The following EYS variants were observed in gnomAD, a reference collection of about 807,000 sequenced individuals.
EYS encodes the protein EGF-like photoreceptor maintenance factor.
A neutral mutation model predicts 282.1 loss-of-function variants in EYS; 250 were observed. That is an observed-to-expected ratio of 0.89 (90% confidence interval 0.80 to 0.98). The LOEUF (loss-of-function observed/expected upper bound fraction) is 0.98, where lower values mean the gene tolerates loss of function less well. EYS is among the 50% of genes least tolerant of loss of function. The probability of loss-of-function intolerance (pLI) is 0.00; values close to 1 mark genes in which losing one functional copy is unlikely to be tolerated. For missense variants in EYS, 4,016 were observed against 3,709.0 expected (o/e 1.08, Z -2.15); for synonymous variants, 1,355 against 1,282.9 (o/e 1.06, Z -1.20).
At chr6:65,155,955 G>A (rs1034597267) in intron 12 of EYS, among the ~76,000 whole-genome samples, 1 of 151,384 alleles carries the variant, frequency 6.6e-6, no homozygotes, top group Non-Finnish European at 1.5e-5. Context: ...ATTTTTAACA[G>A]AAGAGTAACA....
intron 1 of EYS, among the ~76,000 whole-genome samples, chr6:65,692,609 T>C (rs1769284291): frequency 6.7e-6 from 1 of 150,086 alleles, no homozygotes; most frequent in Non-Finnish European, 1.5e-5. Context: ...ATGGAAAGTA[T>C]AATTTTCCAA....
In EYS at chr6:65,490,809, TG is replaced by T. The variant is rs1208082138; in HGVS notation, c.749-103del. Reference sequence around the variant, plus strand: ...AATGAAAATATCAAATTCTGACTAATGTAATTTCAGTTATGAAACCATGTTA... The same window carrying T: ...AATGAAAATATCAAATTCTGACTAATTAATTTCAGTTATGAAACCATGTTA... On this transcript the variant is annotated intron_variant, in intron 4 of 42. Transcript: ENST00000503581. 4.2e-6 allele frequency: 3 copies of T among 712,278 alleles called. No individual in the cohort carries two copies. The African/African-American group carries it at 5.3e-5, about 13-fold the overall frequency. 44.1% of individuals were successfully genotyped at this position (712,278 alleles called of 1,614,324 possible).
intron 12 of EYS, among the ~76,000 whole-genome samples, chr6:65,212,313 G>A (rs1234159169): frequency 6.6e-6 from 1 of 151,892 alleles, no homozygotes; most frequent in Admixed American, 6.6e-5. Context: ...GTATTTTCCA[G>A]GAAGAAATTA....
At chr6:64,673,956 AATTTAAAG>A (rs1324059468) in intron 22 of EYS, among the ~76,000 whole-genome samples, 1 of 152,148 alleles carries the variant, frequency 6.6e-6, no homozygotes, top group Admixed American at 6.5e-5. Context: ...ACCATGCTAC[AATTTAAAG>A]ATTTAAACAA....
chr6:64,686,233 A>G (rs1770095155), intron 22 of EYS, among the ~76,000 whole-genome samples: 1 of 152,044 alleles, frequency 6.6e-6, no homozygotes, highest in Non-Finnish European at 1.5e-5. Context: ...ATAGAAATAA[A>G]AAGATAAATT....
chr6:64,627,266 A>T (rs1767639789), intron 22 of EYS, among the ~76,000 whole-genome samples: 1 of 152,228 alleles, frequency 6.6e-6, no homozygotes, highest in South Asian at 2.1e-4. Context: ...ATTATATGAT[A>T]AATGCTATAA....
intron 29 of EYS, among the ~76,000 whole-genome samples, chr6:64,338,247 A>G (rs554634960): frequency 6.6e-6 from 1 of 152,066 alleles, no homozygotes; most frequent in South Asian, 2.1e-4. Flanking sequence ...ACTCCTCCAG[A>G]AAGCTCCTAG....
At chr6:64,257,711 C>A (rs547391794) in intron 30 of EYS, among the ~76,000 whole-genome samples, 1 of 151,996 alleles carries the variant, frequency 6.6e-6, no homozygotes, top group East Asian at 1.9e-4. Flanking sequence ...AATTTAACAC[C>A]TGGTCTAACA....
chr6:65,293,734 A>G (rs1265672225), intron 12 of EYS, among the ~76,000 whole-genome samples: 2 of 151,890 alleles, frequency 1.3e-5, no homozygotes, highest in Admixed American at 1.3e-4. Context: ...ACGTGGGGCC[A>G]ATAACTGGTG....
At chr6:64,628,798 A>C (rs1279598563) in intron 22 of EYS, among the ~76,000 whole-genome samples, 1 of 152,206 alleles carries the variant, frequency 6.6e-6, no homozygotes, top group Non-Finnish European at 1.5e-5. Flanking sequence ...TAAAGGGGAT[A>C]GTTTAAAAAA....
intron 26 of EYS, among the ~76,000 whole-genome samples, chr6:64,457,125 C>T (rs1775581531): frequency 6.6e-6 from 1 of 151,810 alleles, no homozygotes; most frequent in Admixed American, 6.6e-5. Flanking sequence ...TATTTATTAA[C>T]TCCTTAGTTG....
intron 30 of EYS, among the ~76,000 whole-genome samples, chr6:64,278,375 C>G (rs543239938): frequency 1.3e-5 from 2 of 152,008 alleles, no homozygotes; most frequent in Non-Finnish European, 2.9e-5. Flanking sequence ...TGAAATTATT[C>G]ATTCTTATTA....
intron 35 of EYS, among the ~76,000 whole-genome samples, chr6:63,870,409 G>A (rs1212057796): frequency 6.6e-6 from 1 of 152,162 alleles, no homozygotes; most frequent in Non-Finnish European, 1.5e-5. Flanking sequence ...CAAAATTGCT[G>A]TGGGTGGAAA....
chr6:65,674,773 CA>C (rs201432315), intron 1 of EYS, among the ~76,000 whole-genome samples: 2 of 150,944 alleles, frequency 1.3e-5, no homozygotes, highest in African/African-American at 2.4e-5. Context: ...TAGATAGCAA[CA>C]AAAAAAACAT....
chr6:64,064,906 T>C (rs772889513), intron 33 of EYS, among the ~76,000 whole-genome samples: 1 of 152,184 alleles, frequency 6.6e-6, no homozygotes, highest in Non-Finnish European at 1.5e-5. Flanking sequence ...CACTTAGAAA[T>C]GGTTGAAATA....
At chr6:63,824,393 T>A (rs992902394) in intron 36 of EYS, among the ~76,000 whole-genome samples, 40 of 152,140 alleles carry the variant, frequency 2.6e-4, no homozygotes, top group Non-Finnish European at 3.2e-4. Flanking sequence ...AAAAGGAAGA[T>A]CATTCAATAA....
chr6:64,471,023 AG>A (rs1435258892), intron 26 of EYS, among the ~76,000 whole-genome samples: 1 of 152,214 alleles, frequency 6.6e-6, no homozygotes, highest in Admixed American at 6.5e-5. Context: ...CCTTCTTCCA[AG>A]GGACACTATT....
At chr6:63,878,402 C>T (rs1773036242) in intron 35 of EYS, among the ~76,000 whole-genome samples, 1 of 152,166 alleles carries the variant, frequency 6.6e-6, no homozygotes, top group South Asian at 2.1e-4. Context: ...GAGGTGTCTT[C>T]CAGTTAGGCT....
At chr6:65,118,469 G>A (rs913174034) in intron 12 of EYS, among the ~76,000 whole-genome samples, 4 of 152,176 alleles carry the variant, frequency 2.6e-5, no homozygotes, top group Non-Finnish European at 4.4e-5. Context: ...TGTTTGGCTT[G>A]CCATGAAGAA....
Sources: gnomAD v4.1 joint callset for allele counts (sites outside exome capture counted in the v4.1 genomes callset) on GRCh38, gnomAD v4.1.1 for gene constraint, MANE v1.5 for transcripts, NCBI Gene and HGNC (gene_info 2026-07-23, HGNC 2026-07-21) for gene names.